Variants in GPBP1L1 observed in about 807,000 individuals in gnomAD.
The protein encoded by GPBP1L1 is GC-rich promoter binding protein 1 like 1.
In GPBP1L1, 23 loss-of-function variants were observed where a neutral mutation model predicts 52.5. The ratio of observed to expected loss-of-function variants is 0.44; its 90% CI spans 0.32 to 0.62. The LOEUF (loss-of-function observed/expected upper bound fraction) is 0.62. GPBP1L1 is among the 20% of genes least tolerant of loss of function. GPBP1L1 has a pLI of 0.06. For missense variants in GPBP1L1, 596 were observed against 579.3 expected, an observed-to-expected ratio of 1.03 and a Z score of -0.30; for synonymous variants, 243 against 203.1, an observed-to-expected ratio of 1.20 and a Z score of -1.67.
In GPBP1L1 at chr1:45,655,323, A is replaced by T; in HGVS notation, c.61-4T>A. 1.2e-6 allele frequency: 2 copies of T among 1,614,026 alleles called. No homozygotes were observed. The highest frequency in any genetic ancestry group is 1.7e-6 in the Non-Finnish European group (2 of 1,179,908). On this transcript the variant is annotated splice_region_variant and splice_polypyrimidine_tract_variant and intron_variant, in intron 4 of 12. Transcript: ENST00000355105. Reference sequence around the variant, plus strand: ...TTTCGAAGGTGGCAGTAGGTGACTAAGATGATGAAGTATGGAGAGGCAAAT... The same window carrying T: ...TTTCGAAGGTGGCAGTAGGTGACTATGATGATGAAGTATGGAGAGGCAAAT...
chr1:45,656,557 G>A (rs765359576), intron 4 of GPBP1L1, among the ~76,000 whole-genome samples: 1 of 151,818 alleles, frequency 6.6e-6, no homozygotes, highest in African/African-American at 2.4e-5. Flanking sequence ...TCTTTACTCC[G>A]CCCCCATGTA....
At chr1:45,666,382 G>A (rs903790202) in intron 2 of GPBP1L1, among the ~76,000 whole-genome samples, 1 of 152,060 alleles carries the variant, frequency 6.6e-6, no homozygotes, top group Admixed American at 6.6e-5. Context: ...CTGACCTCAG[G>A]TGATCCGCCC....
At chr1:45,667,701 A>AC (rs1376994050) in intron 2 of GPBP1L1, among the ~76,000 whole-genome samples, 2 of 151,910 alleles carry the variant, frequency 1.3e-5, no homozygotes, top group Admixed American at 1.3e-4. Context: ...ATTAAAACAA[A>AC]CCCCCTTCCT....
chr1:45,644,747 C>T (rs559671503), intron 6 of GPBP1L1, among the ~76,000 whole-genome samples: 147 of 152,280 alleles, frequency 9.7e-4, no homozygotes, highest in African/African-American at 3.3e-3. Flanking sequence ...ACACAAATAA[C>T]ATGTGGTTGT....
chr1:45,636,967 A>G (rs1349128907), intron 8 of GPBP1L1, among the ~76,000 whole-genome samples: 1 of 141,450 alleles, frequency 7.1e-6, no homozygotes, highest in Admixed American at 7.2e-5. Flanking sequence ...TGTATTCTCT[A>G]TATCCCAGGA....
chr1:45,629,704 A>G, intron 11 of GPBP1L1, 26 bp from the exon 12 acceptor site: 1 of 1,422,858 alleles, frequency 7.0e-7, no homozygotes, highest in Non-Finnish European at 9.9e-7. Context: ...GGACAGGTAA[A>G]GAGAATACAA....
At chr1:45,651,615 T>A (rs1024195128) in intron 6 of GPBP1L1, 6 of 683,298 alleles carry the variant, frequency 8.8e-6, no homozygotes, top group Non-Finnish European at 1.6e-5. Context: ...TTCAGCTGCA[T>A]ATAGAGGATG....
intron 12 of GPBP1L1, 117 bp from the exon 13 acceptor site, chr1:45,628,525 G>C: frequency 1.1e-6 from 1 of 906,784 alleles, no homozygotes; most frequent in South Asian, 1.8e-5. Context: ...TGGGGCGGGG[G>C]GTGCTTCTAA....
intron 6 of GPBP1L1, 158 bp downstream of exon 6, chr1:45,654,385 A>C: frequency 1.4e-6 from 1 of 694,706 alleles, no homozygotes; most frequent in East Asian, 2.9e-5. Flanking sequence ...CCATTTTCAA[A>C]TATTATCAAC....
At position 45,640,218 on chromosome 1, in the gene GPBP1L1, G is replaced by A. The variant is rs1044708717; in HGVS notation, c.736C>T (p.Pro246Ser). 2.5e-6 allele frequency: 4 copies of A among 1,612,572 alleles called. No individual in the cohort carries two copies. In the African/African-American group the frequency reaches 5.3e-5, roughly 22 times the overall value. The change falls in exon 8 of 13, where the codon CCT (proline) becomes TCT (serine). Residue 246 changes from proline (P) to serine (S), a missense_variant. Pro to Ser is a moderately conservative substitution (Grantham distance 74). Coordinates refer to ENST00000355105, the MANE Select transcript of GPBP1L1 (RefSeq NM_021639.5). ...KNLVPKPVPPPSKPNAWKANR... is the reference protein window; with the variant it reads ...KNLVPKPVPPSSKPNAWKANR... ...CTGATTCTAAATCATACCTTGGAAG[G>A]AGGTGGTACAGGCTTAGGAACCAGG...
chr1:45,630,242 C>A (rs906532002), intron 11 of GPBP1L1, among the ~76,000 whole-genome samples: 2 of 152,172 alleles, frequency 1.3e-5, no homozygotes, highest in African/African-American at 4.8e-5. Flanking sequence ...TGAGCCACTG[C>A]GCCCGGCCTG....
intron 2 of GPBP1L1, among the ~76,000 whole-genome samples, chr1:45,666,599 T>C (rs1422373891): frequency 6.6e-6 from 1 of 152,186 alleles, no homozygotes; most frequent in Non-Finnish European, 1.5e-5. Flanking sequence ...GCAGAGAAAT[T>C]AGAAACCTAA....
chr1:45,655,305 G>C lies in GPBP1L1; in HGVS notation c.75C>G (p.Thr25=), dbSNP rs34854485. ...TPQSAKSPTA[T]FEKHGEHLPR... is the part of the protein sequence containing the mutation. Reference sequence around the variant, plus strand: ...GTAGGTGCTCTCCGTGTTTTTCGAAGGTGGCAGTAGGTGACTAAGATGATG... The same window carrying C: ...GTAGGTGCTCTCCGTGTTTTTCGAACGTGGCAGTAGGTGACTAAGATGATG... Residue 25 remains threonine, a synonymous_variant, in exon 5 of 13, where the codon ACC becomes ACG. Transcript: ENST00000355105. 9 of 1,613,946 alleles carry C rather than the reference G, an allele frequency of 5.6e-6. No individual in the cohort carries two copies. Among genetic ancestry groups the C allele is most frequent in the African/African-American group, 4.0e-5 (3 of 74,916 alleles).
intron 12 of GPBP1L1, 121 bp downstream of exon 12, chr1:45,629,455 C>CCA: frequency 6.2e-5 from 3 of 48,056 alleles, no homozygotes; most frequent in South Asian, 3.2e-4. Context: ...CTAAGGTAAT[C>CCA]CCCCCCCCCC....
chr1:45,656,841 G>GT (rs1295222863), intron 4 of GPBP1L1, among the ~76,000 whole-genome samples: 2 of 137,730 alleles, frequency 1.5e-5, no homozygotes, highest in Non-Finnish European at 3.2e-5. Context: ...AGTTTTTGTT[G>GT]TTGTTTTTTT....
intron 4 of GPBP1L1, among the ~76,000 whole-genome samples, chr1:45,657,539 A>G (rs58316238): frequency 0.027 from 4,163 of 152,180 alleles, 194 homozygotes; most frequent in African/African-American, 0.095. Flanking sequence ...CCGTCTCAAT[A>G]AAAAAACAAA....
At chr1:45,646,619 G>A (rs1253314217) in intron 6 of GPBP1L1, among the ~76,000 whole-genome samples, 6 of 151,050 alleles carry the variant, frequency 4.0e-5, no homozygotes, top group Admixed American at 3.3e-4. Flanking sequence ...GCAGTGGCGC[G>A]ATCTCAGCTC....
chr1:45,657,758 C>A (rs1033504333), intron 4 of GPBP1L1, among the ~76,000 whole-genome samples: 1 of 152,046 alleles, frequency 6.6e-6, no homozygotes, highest in East Asian at 1.9e-4. Context: ...GAGACTAGGG[C>A]GAGAGGATTG....
At chr1:45,676,227 G>A (rs1645137322) in intron 2 of GPBP1L1, among the ~76,000 whole-genome samples, 1 of 152,128 alleles carries the variant, frequency 6.6e-6, no homozygotes, top group Non-Finnish European at 1.5e-5. Flanking sequence ...TATGAAATTT[G>A]AGCAAGTCTT....
Sources: gnomAD v4.1 joint callset for allele counts (sites outside exome capture counted in the v4.1 genomes callset) on GRCh38, gnomAD v4.1.1 for gene constraint, MANE v1.5 for transcripts, NCBI Gene and HGNC (gene_info 2026-07-23, HGNC 2026-07-21) for gene names.